The following RUNX1T1 variants were observed in gnomAD, a reference collection of about 807,000 sequenced individuals.
RUNX1T1 encodes RUNX1 partner transcriptional co-repressor 1.
A neutral mutation model predicts 62.8 loss-of-function variants in RUNX1T1; 4 were observed. That is an observed-to-expected ratio of 0.06 (90% CI 0.03 to 0.15). The LOEUF is 0.15. Ranked by LOEUF, RUNX1T1 falls within the 10% of genes least tolerant of loss-of-function variation. The pLI is 1.00. For synonymous variants in RUNX1T1, 291 were observed against 286.0 expected (o/e 1.02, Z -0.18); for missense variants, 508 against 754.3 (o/e 0.67, Z 3.82).
At chr8:91,963,681 T>C (rs1362623559) in intron 10 of RUNX1T1, among the ~76,000 whole-genome samples, 1 of 152,202 alleles carries the variant, frequency 6.6e-6, no homozygotes, top group Non-Finnish European at 1.5e-5. Flanking sequence ...AAGGTGGAAA[T>C]TGCAAACTGT....
chr8:92,025,052 CTA>C (rs1159980107), intron 1 of RUNX1T1, among the ~76,000 whole-genome samples: 1 of 152,184 alleles, frequency 6.6e-6, no homozygotes, highest in East Asian at 1.9e-4. Flanking sequence ...GAGAATAACT[CTA>C]GTCAATATCC....
intron 1 of RUNX1T1, among the ~76,000 whole-genome samples, chr8:92,054,616 G>T (rs538269189): frequency 1.1e-4 from 17 of 152,230 alleles, no homozygotes; most frequent in African/African-American, 3.4e-4. Context: ...TGACATTCTC[G>T]ATGCTCTGTG....
intron 1 of RUNX1T1, among the ~76,000 whole-genome samples, chr8:92,089,925 T>TAAA (rs36052605): frequency 8.7e-5 from 7 of 80,158 alleles, no homozygotes; most frequent in African/African-American, 2.4e-4. Context: ...TCCCTGAATT[T>TAAA]AAAAAAAAAA....
intron 1 of RUNX1T1, among the ~76,000 whole-genome samples, chr8:92,046,477 C>T (rs1459474200): frequency 6.6e-6 from 1 of 152,162 alleles, no homozygotes; most frequent in Non-Finnish European, 1.5e-5. Flanking sequence ...GATCCTCCCA[C>T]CTCAGCCTCC....
At chr8:92,062,667 G>C in exon 1 of RUNX1T1, 1 of 1,613,492 alleles carries the variant, frequency 6.2e-7, no homozygotes, top group Non-Finnish European at 8.5e-7. Flanking sequence ...CATCAGAGGG[G>C]CTGGGGCGGC....
rs185610904 is a variant in RUNX1T1 at position 91,984,770 on chromosome 8, C to T, written c.1198+1354G>A. 2.2e-3 allele frequency among the ~76,000 whole-genome samples: 331 copies of T among 152,054 alleles called. 2 individuals carry two copies. The highest frequency in any genetic ancestry group is 4.2e-3 in the Admixed American group (64 of 15,280). On this transcript the variant is annotated intron_variant, in intron 8 of 10. Coordinates refer to ENST00000396218, the Ensembl canonical transcript of RUNX1T1. Reference sequence around the variant, plus strand: ...AATAAACACAAGATTTTTTTTTCCACTCTGCTCTAAATAGTTTGGCTTCGA... The same window carrying T: ...AATAAACACAAGATTTTTTTTTCCATTCTGCTCTAAATAGTTTGGCTTCGA...
chr8:92,052,927 A>G (rs1216194578), intron 1 of RUNX1T1, among the ~76,000 whole-genome samples: 1 of 152,204 alleles, frequency 6.6e-6, no homozygotes, highest in Non-Finnish European at 1.5e-5. Flanking sequence ...TCAACAGATG[A>G]GCTAAACTGA....
chr8:92,023,775 G>A (rs984800767), intron 1 of RUNX1T1, among the ~76,000 whole-genome samples: 3 of 152,152 alleles, frequency 2.0e-5, no homozygotes, highest in Non-Finnish European at 2.9e-5. Flanking sequence ...GCTGGAAACT[G>A]CCATTCCCTC....
rs933602260 is a variant in RUNX1T1, at chr8:91,969,482, T to A, written c.1458+1176A>T. Among the ~76,000 whole-genome samples, 22 of 86,350 alleles carry A rather than the reference T, an allele frequency of 2.5e-4. No individual in the cohort carries two copies. In the Admixed American group the frequency reaches 2.9e-3, roughly 11 times the overall value. 56.6% of individuals were successfully genotyped at this position (86,350 alleles called of 152,430 possible). On this transcript the variant is annotated intron_variant, in intron 10 of 10. Coordinates refer to ENST00000396218, the Ensembl canonical transcript of RUNX1T1. ...TCTCCTCAAAAGATGCTAATAATGT[T>A]TTTAAAATAAAAAACATAAAGTCCT...
At chr8:91,970,875 C>A (rs1196526189) in intron 9 of RUNX1T1, 27 bp from the exon 11 acceptor site, 2 of 1,550,432 alleles carry the variant, frequency 1.3e-6, no homozygotes, top group African/African-American at 1.4e-5. Context: ...CCAAACCAGA[C>A]AAGAAAACAC....
At chr8:92,099,018 T>C (rs930527087) in intron 1 of RUNX1T1, among the ~76,000 whole-genome samples, 1 of 152,216 alleles carries the variant, frequency 6.6e-6, no homozygotes, top group Non-Finnish European at 1.5e-5. Flanking sequence ...CTCTAGATAA[T>C]AATAAATAGC....
At chr8:91,986,220 G>A (rs1448417558) in exon 8 of RUNX1T1, 6 of 1,613,660 alleles carry the variant, frequency 3.7e-6, no homozygotes, top group South Asian at 1.1e-5. Context: ...TCACTGTACC[G>A]CCGGATCCAG....
chr8:91,992,716 T>C (rs1172651992), intron 5 of RUNX1T1, among the ~76,000 whole-genome samples: 1 of 152,078 alleles, frequency 6.6e-6, no homozygotes, highest in Non-Finnish European at 1.5e-5. Context: ...AGGAAACACA[T>C]ACCCAGAGAG....
intron 1 of RUNX1T1, among the ~76,000 whole-genome samples, chr8:92,094,100 T>A (rs929972267): frequency 6.6e-6 from 1 of 152,244 alleles, no homozygotes; most frequent in African/African-American, 2.4e-5. Context: ...TGTTTCATCA[T>A]GCTCACTGAG....
At chr8:91,985,550 A>T (rs1349472719) in intron 8 of RUNX1T1, among the ~76,000 whole-genome samples, 1 of 152,216 alleles carries the variant, frequency 6.6e-6, no homozygotes, top group African/African-American at 2.4e-5. Flanking sequence ...CTACATCTTT[A>T]TCATTAATTT....
At chr8:91,969,432 C>T (rs1812308019) in intron 10 of RUNX1T1, among the ~76,000 whole-genome samples, 1 of 152,140 alleles carries the variant, frequency 6.6e-6, no homozygotes, top group South Asian at 2.1e-4. Flanking sequence ...CACGATATTG[C>T]TCATTTGAAC....
chr8:92,075,662 G>C (rs1341823324), intron 2 of RUNX1T1, among the ~76,000 whole-genome samples: 2 of 152,112 alleles, frequency 1.3e-5, no homozygotes, highest in African/African-American at 4.8e-5. Flanking sequence ...GCTTATAACA[G>C]ATGTATTATG....
intron 9 of RUNX1T1, among the ~76,000 whole-genome samples, chr8:91,974,312 G>C (rs1340091320): frequency 1.3e-5 from 2 of 152,018 alleles, no homozygotes; most frequent in Non-Finnish European, 2.9e-5. Context: ...TTCCAACAAA[G>C]GTGCTATATT....
At chr8:92,014,697 G>C in exon 3 of RUNX1T1, 1 of 1,614,104 alleles carries the variant, frequency 6.2e-7, no homozygotes, top group Non-Finnish European at 8.5e-7. Flanking sequence ...GGCACCACAG[G>C]CTGGGGGCAG....
Sources: allele counts gnomAD v4.1 joint callset (sites outside exome capture counted in the v4.1 genomes callset), GRCh38; gene constraint gnomAD v4.1.1; transcripts MANE v1.5; gene names NCBI Gene and HGNC (gene_info 2026-07-23, HGNC 2026-07-21).